The following SCAF4 variants were observed in gnomAD, a reference collection of about 807,000 sequenced individuals.
SCAF4 encodes SR-related and CTD-associated factor 4.
A neutral mutation model predicts 129.8 loss-of-function variants in SCAF4; 25 were observed. The ratio of observed to expected loss-of-function variants is 0.19; its 90% CI spans 0.14 to 0.27. The LOEUF (loss-of-function observed/expected upper bound fraction) is 0.27. SCAF4 is among the 10% of genes least tolerant of loss of function. The pLI is 1.00. For synonymous variants in SCAF4, 551 were observed against 497.7 expected (o/e 1.11, Z -1.43); for missense variants, 1,246 against 1,457.1 (o/e 0.86, Z 2.36).
chr21:31,696,037 A>T (rs1426204998), intron 9 of SCAF4, 76 bp downstream of exon 9: 23 of 925,626 alleles, frequency 2.5e-5, no homozygotes, highest in Non-Finnish European at 3.8e-5. Flanking sequence ...ATAGCTGCAG[A>T]GTGCTCTGTG....
At chr21:31,683,662 G>A (rs541822844) in intron 19 of SCAF4, among the ~76,000 whole-genome samples, 4 of 152,126 alleles carry the variant, frequency 2.6e-5, no homozygotes, top group Admixed American at 6.5e-5. Flanking sequence ...ATGTGAAGAA[G>A]GGGTTGCTAT....
intron 1 of SCAF4, 99 bp downstream of exon 1, chr21:31,731,564 T>C (rs953556226): frequency 7.1e-7 from 1 of 1,399,054 alleles, no homozygotes; most frequent in South Asian, 1.2e-5. Context: ...GCAGGAAGCG[T>C]CCCCACCCGG....
Position 31,714,493 on chromosome 21 carries a change from C to T in SCAF4, c.31-8136G>A, listed in dbSNP as rs190704309. 9.7e-4 allele frequency among the ~76,000 whole-genome samples: 148 copies of T among 152,288 alleles called. 1 individual carries two copies. Among genetic ancestry groups the T allele is most frequent in the African/African-American group, 3.5e-3 (146 of 41,566 alleles). On this transcript the variant is annotated intron_variant, in intron 1 of 19. Transcript: ENST00000286835. ...CTATGAAAACGTCTAAATATGACCACTGCCCTGCTGCATGACATATAGAAG... is the reference window on the plus strand; with the variant it reads ...CTATGAAAACGTCTAAATATGACCATTGCCCTGCTGCATGACATATAGAAG...
intron 7 of SCAF4, 130 bp downstream of exon 7, chr21:31,700,865 G>T: frequency 1.9e-6 from 2 of 1,030,654 alleles, no homozygotes; most frequent in Non-Finnish European, 1.5e-6. Flanking sequence ...TTTTCTTGTT[G>T]AGGGGGAAAA....
intron 19 of SCAF4, among the ~76,000 whole-genome samples, chr21:31,673,642 T>C (rs772567168): frequency 1.5e-4 from 23 of 152,302 alleles, no homozygotes; most frequent in Non-Finnish European, 2.4e-4. Flanking sequence ...TTCACATCAT[T>C]TGGGAAATAT....
chr21:31,706,504 G>T, intron 1 of SCAF4, 147 bp from the exon 2 acceptor site: 1 of 611,788 alleles, frequency 1.6e-6, no homozygotes, highest in Non-Finnish European at 2.9e-6. Context: ...GCAGCAGGAA[G>T]AGCTTTGGTG....
chr21:31,725,880 G>A (rs978412614), intron 1 of SCAF4, among the ~76,000 whole-genome samples: 3 of 151,946 alleles, frequency 2.0e-5, no homozygotes, highest in South Asian at 2.1e-4. Flanking sequence ...TTTTAGAAAC[G>A]TTACTTTTCA....
In SCAF4 at chr21:31,690,970, G is replaced by A. The variant is rs766920304; in HGVS notation, c.1729-17C>T. 1.9e-6 allele frequency: 3 copies of A among 1,592,732 alleles called. No homozygotes were observed. Among genetic ancestry groups the A allele is most frequent in the Non-Finnish European group, 2.6e-6 (3 of 1,169,880 alleles). Reference sequence around the variant, plus strand: ...CCAGGCAATCTATTTCACCATTAGTGAAAATATAAAAAGAAAACAAAGCAA... The same window carrying A: ...CCAGGCAATCTATTTCACCATTAGTAAAAATATAAAAAGAAAACAAAGCAA... On this transcript the variant is annotated splice_polypyrimidine_tract_variant and intron_variant, in intron 14 of 19. Coordinates refer to ENST00000286835, the MANE Select transcript of SCAF4 (RefSeq NM_020706.2).
At chr21:31,714,342 C>A (rs1229425611) in intron 1 of SCAF4, among the ~76,000 whole-genome samples, 3 of 152,040 alleles carry the variant, frequency 2.0e-5, no homozygotes, top group Admixed American at 2.0e-4. Context: ...AATCCTCCTG[C>A]ATAAAAATAA....
rs78537042 is a variant in SCAF4, at chr21:31,696,624, C to A, written c.904G>T (p.Val302Leu). Residue 302 changes from valine to leucine, a missense_variant, in exon 8 of 20, where the codon GTG (valine) becomes TTG (leucine). Around this residue, in one of 6 missense-constraint regions of SCAF4, gnomAD observed 236 missense variants for 210.0 expected, o/e 1.12. Transcript: ENST00000286835. ...GCAGCGGGTGCAGCAGCAGCAGGCACGGTGGCGGTGGGTGCAGGGGGTACT... is the reference window on the plus strand; with the variant it reads ...GCAGCGGGTGCAGCAGCAGCAGGCAAGGTGGCGGTGGGTGCAGGGGGTACT... ...AAVPPAPTAT[V>L]PAAAAPAAAS... The A allele has an allele frequency of 0.071, 114,272 of 1,612,750 alleles. 4,699 individuals are homozygous for A. Among genetic ancestry groups the A allele is most frequent in the Non-Finnish European group, 0.084 (99,075 of 1,179,266 alleles).
chr21:31,688,322 T>C lies in SCAF4; in HGVS notation c.2028A>G (p.Thr676=), dbSNP rs1318192746. Residue 676 remains threonine, a synonymous_variant, in exon 16 of 20, where the codon ACA becomes ACG. Coordinates refer to ENST00000286835, the MANE Select transcript of SCAF4 (RefSeq NM_020706.2). ...ATATTCTCACCTGTGGAGGTGGCAC[T>C]GTTATAGGTGCAGGAACAGGAATAG... ...VPPIPVPAPI[T]VPPPQVPPHQ... 2 of 1,612,978 alleles carry C rather than the reference T, an allele frequency of 1.2e-6. No homozygotes were observed. Among genetic ancestry groups the C allele is most frequent in the Non-Finnish European group, 1.7e-6 (2 of 1,179,452 alleles).
chr21:31,705,643 AAAAAC>A (rs1239811552), intron 2 of SCAF4, among the ~76,000 whole-genome samples, 176 bp from the exon 3 acceptor site: 1 of 152,118 alleles, frequency 6.6e-6, no homozygotes, highest in Non-Finnish European at 1.5e-5. Context: ...AAAATAAACT[AAAAAC>A]AGAAAACTAC....
chr21:31,707,516 C>CA (rs2123613735), intron 1 of SCAF4, among the ~76,000 whole-genome samples: 1 of 152,314 alleles, frequency 6.6e-6, no homozygotes, highest in South Asian at 2.1e-4. Context: ...AAAATCCTGA[C>CA]ATTAAGAAAC....
chr21:31,709,592 A>C (rs1476590744), intron 1 of SCAF4, among the ~76,000 whole-genome samples: 1 of 152,162 alleles, frequency 6.6e-6, no homozygotes, highest in Non-Finnish European at 1.5e-5. Context: ...GTCTCTATTT[A>C]AAAAATTAAA....
intron 1 of SCAF4, among the ~76,000 whole-genome samples, chr21:31,714,338 C>A (rs780717134): frequency 6.6e-6 from 1 of 152,094 alleles, no homozygotes; most frequent in South Asian, 2.1e-4. Flanking sequence ...ATGAAATCCT[C>A]CTGCATAAAA....
chr21:31,673,270 C>G (rs1490830069), intron 19 of SCAF4, among the ~76,000 whole-genome samples: 4 of 152,044 alleles, frequency 2.6e-5, no homozygotes, highest in South Asian at 2.1e-4. Context: ...CTCAATTTAT[C>G]CTTTTGCAAA....
Position 31,731,721 on chromosome 21 carries a change from G to C in SCAF4, c.-29C>G. 2 of 1,573,364 alleles carry C rather than the reference G, an allele frequency of 1.3e-6. No homozygotes were observed. Among genetic ancestry groups the C allele is most frequent in the Non-Finnish European group, 8.6e-7 (1 of 1,166,978 alleles). On this transcript the variant is annotated 5_prime_UTR_variant, in exon 1 of 20. Coordinates refer to ENST00000286835, the MANE Select transcript of SCAF4 (RefSeq NM_020706.2). The stretch of plus-strand genomic sequence containing the variant: ...CGCGCTGCGGCGGCGGCTGCTCCGG[G>C]CCCGCCGGTCACATAGACCTCGCGC...
intron 5 of SCAF4, 150 bp downstream of exon 5, chr21:31,702,094 T>C (rs1355393059): frequency 3.9e-6 from 5 of 1,275,920 alleles, no homozygotes; most frequent in Non-Finnish European, 5.5e-6. Flanking sequence ...TTATTATAAA[T>C]AGGAATTATG....
intron 1 of SCAF4, among the ~76,000 whole-genome samples, chr21:31,710,869 C>T (rs1189526366): frequency 6.6e-6 from 1 of 152,148 alleles, no homozygotes; most frequent in Non-Finnish European, 1.5e-5. Flanking sequence ...TTCATTAATT[C>T]AACAAATATC....
Sources: allele counts gnomAD v4.1 joint callset (sites outside exome capture counted in the v4.1 genomes callset), GRCh38; gene constraint gnomAD v4.1.1; regional missense constraint gnomAD v4.1.1; transcripts MANE v1.5; gene names NCBI Gene and HGNC (gene_info 2026-07-23, HGNC 2026-07-21).